C12orf42: variants seen among roughly 807,000 people sequenced by gnomAD.
C12orf42 encodes the protein uncharacterized protein C12orf42.
In C12orf42, 25 loss-of-function variants were observed where a neutral mutation model predicts 21.6. That is an observed-to-expected ratio of 1.16 (90% CI 0.84 to 1.62). The LOEUF (loss-of-function observed/expected upper bound fraction) is 1.62. Among genes scored for constraint, C12orf42 ranks in the 40% most tolerant of loss-of-function variants. C12orf42 has a pLI of 0.00. For missense variants in C12orf42, 483 were observed against 459.3 expected, an observed-to-expected ratio of 1.05 and a Z score of -0.47; for synonymous variants, 174 against 175.0, an observed-to-expected ratio of 0.99 and a Z score of 0.05.
the C12orf42 span, among the ~76,000 whole-genome samples, chr12:103,059,112 C>G: frequency 6.6e-6 from 1 of 152,030 alleles, no homozygotes; most frequent in Non-Finnish European, 1.5e-5. Flanking sequence ...AGAGAAGAAT[C>G]AAATAAACAC....
intron 4 of C12orf42, among the ~76,000 whole-genome samples, chr12:103,367,021 T>C (rs1466298671): frequency 6.6e-6 from 1 of 152,036 alleles, no homozygotes; most frequent in Non-Finnish European, 1.5e-5. Context: ...ATAAGCACAA[T>C]TCACAGTTGC....
chr12:103,169,984 A>C, the C12orf42 span, among the ~76,000 whole-genome samples: 1 of 152,118 alleles, frequency 6.6e-6, no homozygotes, highest in Non-Finnish European at 1.5e-5. Flanking sequence ...AAGTATGTTT[A>C]ATTTTGTATA....
chr12:103,539,431 C>G, the C12orf42 span, among the ~76,000 whole-genome samples: 1 of 152,042 alleles, frequency 6.6e-6, no homozygotes. Flanking sequence ...TACTGACAAG[C>G]TACATCTACC....
chr12:103,299,407 T>C (rs1254906254), downstream of C12orf42, among the ~76,000 whole-genome samples: 1 of 151,944 alleles, frequency 6.6e-6, no homozygotes, highest in Non-Finnish European at 1.5e-5. Context: ...CATTATTCAC[T>C]AGAGATTATC....
chr12:103,132,791 G>A, the C12orf42 span, among the ~76,000 whole-genome samples: 3 of 124,234 alleles, frequency 2.4e-5, no homozygotes, highest in African/African-American at 9.3e-5. Context: ...ACCCACAGCA[G>A]CCACCGCTAC....
intron 2 of C12orf42, among the ~76,000 whole-genome samples, chr12:103,441,979 C>CA (rs1565834949): frequency 6.6e-6 from 1 of 151,902 alleles, no homozygotes; most frequent in Admixed American, 6.6e-5. Flanking sequence ...CTCATCTCTA[C>CA]AAAAAAATTT....
In C12orf42 at chr12:103,312,881, T is replaced by C. The variant is rs749928800; in HGVS notation, c.260-6536A>G. Among the ~76,000 whole-genome samples, 4 of 152,346 alleles carry C rather than the reference T, an allele frequency of 2.6e-5. No homozygotes were observed. In the Middle Eastern group the frequency reaches 0.01, roughly 389 times the overall value. On this transcript the variant is annotated intron_variant, in intron 4 of 5. Coordinates refer to ENST00000548883, the MANE Select transcript of C12orf42 (RefSeq NM_198521.5). Reference sequence around the variant, plus strand: ...GCAGTTCATGGTAAATCATAACAAATGCTGATGTATTCATTTTCAGTTTTG... The same window carrying C: ...GCAGTTCATGGTAAATCATAACAAACGCTGATGTATTCATTTTCAGTTTTG...
the C12orf42 span, among the ~76,000 whole-genome samples, chr12:103,228,516 A>T: frequency 6.6e-6 from 1 of 152,122 alleles, no homozygotes; most frequent in Non-Finnish European, 1.5e-5. Flanking sequence ...TGCAAGTCAC[A>T]GGGGATGTGA....
the C12orf42 span, among the ~76,000 whole-genome samples, chr12:103,194,333 A>G: frequency 2.4e-4 from 36 of 152,190 alleles, no homozygotes; most frequent in Admixed American, 5.9e-4. Flanking sequence ...AAATTAGGCA[A>G]GAGAAAGAAA....
At chr12:103,417,123 C>T (rs1196312818) in intron 2 of C12orf42, among the ~76,000 whole-genome samples, 1 of 152,144 alleles carries the variant, frequency 6.6e-6, no homozygotes, top group African/African-American at 2.4e-5. Flanking sequence ...CAACATTGAA[C>T]ATAAACTAAA....
At chr12:103,351,383 A>G (rs1357845763) in intron 4 of C12orf42, among the ~76,000 whole-genome samples, 3 of 151,964 alleles carry the variant, frequency 2.0e-5, no homozygotes, top group Non-Finnish European at 4.4e-5. Flanking sequence ...CTTCTACCAC[A>G]TGGCTGCACA....
chr12:103,330,621 C>G (rs769133436), intron 4 of C12orf42, among the ~76,000 whole-genome samples: 15 of 152,324 alleles, frequency 9.8e-5, no homozygotes, highest in South Asian at 2.1e-4. Flanking sequence ...TCCGCTATCA[C>G]AACTCTTCTT....
At chr12:103,210,928 A>T in the C12orf42 span, among the ~76,000 whole-genome samples, 1 of 152,054 alleles carries the variant, frequency 6.6e-6, no homozygotes, top group Non-Finnish European at 1.5e-5. Context: ...GAGTTCGAGT[A>T]GGCAGAGCTA....
chr12:103,514,447 G>C, the C12orf42 span, among the ~76,000 whole-genome samples: 1 of 152,168 alleles, frequency 6.6e-6, no homozygotes, highest in East Asian at 1.9e-4. Context: ...TAATGCAAAA[G>C]CTCCAGGGTA....
chr12:103,290,833 A>G (rs539914303), intron 4 of C12orf42, among the ~76,000 whole-genome samples: 1 of 152,154 alleles, frequency 6.6e-6, no homozygotes, highest in South Asian at 2.1e-4. Flanking sequence ...AACGTGTAGA[A>G]TGGACATACA....
chr12:103,103,628 A>G, the C12orf42 span, among the ~76,000 whole-genome samples: 1 of 151,574 alleles, frequency 6.6e-6, no homozygotes, highest in African/African-American at 2.4e-5. Flanking sequence ...TGAGCCCAAT[A>G]TTTTTTTTTC....
chr12:103,442,880 T>C (rs566505613), intron 2 of C12orf42, among the ~76,000 whole-genome samples: 1 of 152,280 alleles, frequency 6.6e-6, no homozygotes, highest in South Asian at 2.1e-4. Context: ...AAATTATACA[T>C]TCTCAATCAT....
the C12orf42 span, among the ~76,000 whole-genome samples, chr12:103,183,020 T>G: frequency 5.3e-5 from 8 of 152,220 alleles, no homozygotes; most frequent in South Asian, 1.2e-3. Context: ...ATCACTGTAC[T>G]CCTCTTGTAT....
chr12:103,317,219 T>G (rs1289317379), intron 4 of C12orf42, among the ~76,000 whole-genome samples: 1 of 152,220 alleles, frequency 6.6e-6, no homozygotes, highest in Admixed American at 6.5e-5. Context: ...GCTCAGGCAC[T>G]CTGCTAAGTA....
Sources: allele counts gnomAD v4.1 joint callset (sites outside exome capture counted in the v4.1 genomes callset), GRCh38; gene constraint gnomAD v4.1.1; transcripts MANE v1.5; gene names NCBI Gene and HGNC (gene_info 2026-07-23, HGNC 2026-07-21).